LINGO2: variants seen among roughly 807,000 people sequenced by gnomAD.
The protein encoded by LINGO2 is leucine rich repeat and Ig domain containing 2.
Under a neutral mutation model 30.6 loss-of-function variants are expected in LINGO2, and 14 were observed. That is an observed-to-expected ratio of 0.46 (90% CI 0.30 to 0.72). LINGO2 has a LOEUF of 0.72. Among genes scored for constraint, LINGO2 ranks in the 30% least tolerant of loss-of-function variants. LINGO2 has a pLI of 0.07. For missense variants in LINGO2, 729 were observed against 751.7 expected (o/e 0.97, Z 0.35); for synonymous variants, 317 against 288.5 (o/e 1.10, Z -1.00).
At chr9:28,757,998 A>C in the LINGO2 span, among the ~76,000 whole-genome samples, 1 of 152,162 alleles carries the variant, frequency 6.6e-6, no homozygotes, top group South Asian at 2.1e-4. Flanking sequence ...CTAGAATATA[A>C]GCCAGTGGTG....
intron 1 of LINGO2, among the ~76,000 whole-genome samples, chr9:28,589,731 G>A (rs1824771180): frequency 6.6e-6 from 1 of 151,862 alleles, no homozygotes; most frequent in South Asian, 2.1e-4. Context: ...ACTGCCCAAG[G>A]TAATTTATAG....
At chr9:28,684,175 C>CT in the LINGO2 span, among the ~76,000 whole-genome samples, 317 of 45,426 alleles carry the variant, frequency 7.0e-3, 66 homozygotes, top group African/African-American at 0.012. Context: ...AAATGTTTAT[C>CT]TTTTTTTTTT....
In LINGO2 at chr9:28,051,585, G is replaced by C. The variant is rs900723972; in HGVS notation, c.-86-39180C>G. On this transcript the variant is annotated intron_variant, in intron 4 of 5. Coordinates refer to ENST00000379992, the Ensembl canonical transcript of LINGO2. ...CTCTTAGAGGTGATTTCATCCTAAT[G>C]ATCTCAAATTTCACTTACGATCTCA... is the stretch of plus-strand genomic sequence containing the variant. Among the ~76,000 whole-genome samples, 39 of 152,060 alleles carry C rather than the reference G, an allele frequency of 2.6e-4. 1 individual carries two copies. The highest frequency in any genetic ancestry group is 5.1e-4 in the Non-Finnish European group (35 of 67,988).
chr9:29,126,351 C>A, the LINGO2 span, among the ~76,000 whole-genome samples: 1 of 152,082 alleles, frequency 6.6e-6, no homozygotes, highest in Non-Finnish European at 1.5e-5. Context: ...TTCCCCATCA[C>A]TACAATAGGG....
At chr9:29,100,667 C>A in the LINGO2 span, among the ~76,000 whole-genome samples, 1 of 151,082 alleles carries the variant, frequency 6.6e-6, no homozygotes, top group Non-Finnish European at 1.5e-5. Context: ...AACAGGGTGA[C>A]CATGGTATAA....
intron 1 of LINGO2, among the ~76,000 whole-genome samples, chr9:28,591,216 A>G (rs1824890982): frequency 6.6e-6 from 1 of 151,948 alleles, no homozygotes; most frequent in African/African-American, 2.4e-5. Context: ...CTAAATGATG[A>G]CTTAATGGGT....
chr9:29,110,957 G>T, the LINGO2 span, among the ~76,000 whole-genome samples: 4 of 152,056 alleles, frequency 2.6e-5, no homozygotes, highest in African/African-American at 9.7e-5. Context: ...CCAAAGTGCT[G>T]GAATTACAGG....
the LINGO2 span, among the ~76,000 whole-genome samples, chr9:29,060,077 C>T: frequency 6.6e-6 from 1 of 152,060 alleles, no homozygotes; most frequent in Non-Finnish European, 1.5e-5. Context: ...TGGAGAATGA[C>T]TCACAAGTAA....
At chr9:28,894,118 A>C in the LINGO2 span, among the ~76,000 whole-genome samples, 1 of 152,138 alleles carries the variant, frequency 6.6e-6, no homozygotes, top group Non-Finnish European at 1.5e-5. Flanking sequence ...TCCATGGTGT[A>C]TATGTGCCAC....
chr9:29,071,184 G>A, the LINGO2 span, among the ~76,000 whole-genome samples: 7 of 105,628 alleles, frequency 6.6e-5, no homozygotes, highest in South Asian at 3.2e-4. Flanking sequence ...GTATTGTATT[G>A]TATTGTATTG....
chr9:28,784,104 G>A, the LINGO2 span, among the ~76,000 whole-genome samples: 3,862 of 152,246 alleles, frequency 0.025, 162 homozygotes, highest in African/African-American at 0.086. Context: ...ACATAATAAT[G>A]TGAAATAAAA....
At chr9:28,234,130 C>A (rs1159223339) in intron 4 of LINGO2, among the ~76,000 whole-genome samples, 1 of 152,106 alleles carries the variant, frequency 6.6e-6, no homozygotes, top group African/African-American at 2.4e-5. Context: ...CCAGCAGATT[C>A]TTGGGGTCCT....
chr9:28,787,233 C>T, the LINGO2 span, among the ~76,000 whole-genome samples: 2 of 152,070 alleles, frequency 1.3e-5, no homozygotes, highest in Non-Finnish European at 2.9e-5. Context: ...AATTCCGGAG[C>T]TTAACAATAA....
chr9:27,989,101 C>T (rs1414262248), intron 5 of LINGO2, among the ~76,000 whole-genome samples: 2 of 151,880 alleles, frequency 1.3e-5, no homozygotes, highest in African/African-American at 4.8e-5. Context: ...AGTTTTGAAA[C>T]TTGTCCAAAT....
At chr9:28,450,088 G>A (rs915107243) in intron 2 of LINGO2, among the ~76,000 whole-genome samples, 2 of 151,856 alleles carry the variant, frequency 1.3e-5, no homozygotes, top group East Asian at 1.9e-4. Flanking sequence ...TGAATTTCCC[G>A]GTATGCAAGA....
the LINGO2 span, among the ~76,000 whole-genome samples, chr9:29,190,579 ATAAAT>A: frequency 2.6e-5 from 4 of 152,210 alleles, no homozygotes; most frequent in Admixed American, 1.3e-4. Flanking sequence ...GTGCTGCTAG[ATAAAT>A]TAAAATAAAA....
chr9:29,156,617 T>C, the LINGO2 span, among the ~76,000 whole-genome samples: 6,459 of 152,188 alleles, frequency 0.042, 207 homozygotes, highest in Admixed American at 0.08. Context: ...TTTCTTCTGA[T>C]AACTTCCAAG....
intron 3 of LINGO2, among the ~76,000 whole-genome samples, chr9:28,306,870 T>A (rs1309417808): frequency 6.6e-6 from 1 of 152,046 alleles, no homozygotes; most frequent in Non-Finnish European, 1.5e-5. Flanking sequence ...CTTCCCAAGA[T>A]TAAACCACGA....
At chr9:28,778,130 T>G in the LINGO2 span, among the ~76,000 whole-genome samples, 2 of 152,306 alleles carry the variant, frequency 1.3e-5, no homozygotes, top group South Asian at 4.1e-4. Context: ...TCCACACTTT[T>G]GACTCCTACT....
Sources: allele counts gnomAD v4.1 joint callset (sites outside exome capture counted in the v4.1 genomes callset), GRCh38; gene constraint gnomAD v4.1.1; transcripts MANE v1.5; gene names NCBI Gene and HGNC (gene_info 2026-07-23, HGNC 2026-07-21).